LRRTM4: variants seen among roughly 807,000 people sequenced by gnomAD.
LRRTM4 encodes leucine rich repeat transmembrane neuronal 4, also known as leucine-rich repeat transmembrane neuronal protein 4.
Under a neutral mutation model 47.6 loss-of-function variants are expected in LRRTM4, and 25 were observed. The ratio of observed to expected loss-of-function variants is 0.53; its 90% CI spans 0.38 to 0.73. The LOEUF (loss-of-function observed/expected upper bound fraction) is 0.73. Ranked by LOEUF, LRRTM4 falls within the 30% of genes least tolerant of loss-of-function variation. The pLI is 0.00. For synonymous variants in LRRTM4, 311 were observed against 269.5 expected (o/e 1.15, Z -1.51); for missense variants, 638 against 713.4 (o/e 0.89, Z 1.20).
chr2:76,982,144 T>C (rs969610731), intron 3 of LRRTM4, among the ~76,000 whole-genome samples: 3 of 152,106 alleles, frequency 2.0e-5, no homozygotes, highest in African/African-American at 7.2e-5. Context: ...ATTTGTCATA[T>C]TTCCTCTGCT....
At chr2:77,056,912 G>A (rs1679627550) in intron 3 of LRRTM4, among the ~76,000 whole-genome samples, 1 of 151,956 alleles carries the variant, frequency 6.6e-6, no homozygotes, top group African/African-American at 2.4e-5. Context: ...TTTTCATACA[G>A]ACAAACTATA....
intron 3 of LRRTM4, among the ~76,000 whole-genome samples, chr2:76,766,641 G>A (rs80283344): frequency 0.03 from 4,507 of 152,252 alleles, 101 homozygotes; most frequent in Middle Eastern, 0.092. Context: ...CAATAGGAGA[G>A]GTAGTATTTA....
At chr2:76,794,288 G>C (rs1012032139) in intron 3 of LRRTM4, among the ~76,000 whole-genome samples, 1 of 152,174 alleles carries the variant, frequency 6.6e-6, no homozygotes, top group Non-Finnish European at 1.5e-5. Context: ...CCTTAGATCG[G>C]AGATAACAAA....
chr2:77,056,277 C>A (rs1434833082), intron 3 of LRRTM4, among the ~76,000 whole-genome samples: 2 of 151,892 alleles, frequency 1.3e-5, no homozygotes, highest in East Asian at 3.9e-4. Context: ...GAAGAAGATG[C>A]CCTTCTATGA....
intron 3 of LRRTM4, among the ~76,000 whole-genome samples, chr2:76,903,695 G>A (rs1420214600): frequency 6.6e-6 from 1 of 152,112 alleles, no homozygotes; most frequent in Non-Finnish European, 1.5e-5. Flanking sequence ...TTGTAACTAG[G>A]ATAAATCAAA....
intron 3 of LRRTM4, among the ~76,000 whole-genome samples, chr2:77,218,373 A>ATT (rs529903439): frequency 6.6e-6 from 1 of 151,900 alleles, no homozygotes; most frequent in Non-Finnish European, 1.5e-5. Context: ...CTTATTTCAG[A>ATT]CTTTTTTTAT....
chr2:76,933,972 G>T (rs926603822), intron 3 of LRRTM4, among the ~76,000 whole-genome samples: 1 of 152,074 alleles, frequency 6.6e-6, no homozygotes, highest in South Asian at 2.1e-4. Flanking sequence ...GTCCTATTCA[G>T]ATACACCCAT....
chr2:77,418,337 T>G (rs987576502), intron 3 of LRRTM4, among the ~76,000 whole-genome samples: 3 of 152,168 alleles, frequency 2.0e-5, no homozygotes, highest in African/African-American at 7.2e-5. Flanking sequence ...TTTCAATTTT[T>G]GAAGAGTTTA....
intron 3 of LRRTM4, among the ~76,000 whole-genome samples, chr2:76,903,907 T>C (rs891891299): frequency 4.6e-5 from 7 of 152,210 alleles, no homozygotes; most frequent in Admixed American, 4.6e-4. Flanking sequence ...GAATATTCAC[T>C]AACAACTTAA....
intron 3 of LRRTM4, among the ~76,000 whole-genome samples, chr2:77,086,297 G>T (rs187208120): frequency 2.0e-5 from 3 of 152,178 alleles, no homozygotes; most frequent in East Asian, 1.9e-4. Flanking sequence ...CATCACTGAC[G>T]TAATAAAGCC....
rs993699740 is a variant in LRRTM4 at position 76,873,380 on chromosome 2, A to T, written c.1552-124464T>A. Reference sequence around the variant, plus strand: ...TAGTCAGTCATCTGTATATACACACATTATATAAATATATAGTCTGTATAT... The same window carrying T: ...TAGTCAGTCATCTGTATATACACACTTTATATAAATATATAGTCTGTATAT... On this transcript the variant is annotated intron_variant, in intron 3 of 3. Transcript: ENST00000409884. Among the ~76,000 whole-genome samples, 4 of 151,422 alleles carry T rather than the reference A, an allele frequency of 2.6e-5. No homozygotes were observed. In the South Asian group the frequency reaches 6.2e-4, roughly 24 times the overall value.
chr2:77,347,283 AT>A (rs1459234961), intron 3 of LRRTM4, among the ~76,000 whole-genome samples: 1 of 152,124 alleles, frequency 6.6e-6, no homozygotes, highest in African/African-American at 2.4e-5. Flanking sequence ...ATCCCTTGTC[AT>A]TGTGTCTCTC....
At chr2:76,927,003 C>T (rs1300024944) in intron 3 of LRRTM4, among the ~76,000 whole-genome samples, 1 of 152,126 alleles carries the variant, frequency 6.6e-6, no homozygotes, top group East Asian at 1.9e-4. Context: ...TAATATTTTA[C>T]ATCTGCTTAA....
chr2:76,925,745 T>A (rs1674569558), intron 3 of LRRTM4, among the ~76,000 whole-genome samples: 1 of 152,076 alleles, frequency 6.6e-6, no homozygotes, highest in Non-Finnish European at 1.5e-5. Flanking sequence ...TCCCAGTTAC[T>A]CCATAGGGCT....
At chr2:77,172,192 A>T (rs774438810) in intron 3 of LRRTM4, among the ~76,000 whole-genome samples, 20 of 152,360 alleles carry the variant, frequency 1.3e-4, no homozygotes, top group South Asian at 8.3e-4. Context: ...CAAGAATTCC[A>T]GAAGAGGTTG....
chr2:76,984,243 G>A (rs1299809833), intron 3 of LRRTM4, among the ~76,000 whole-genome samples: 2 of 151,888 alleles, frequency 1.3e-5, no homozygotes, highest in Non-Finnish European at 2.9e-5. Flanking sequence ...TGATTTAATA[G>A]CAATTGCTTT....
At chr2:77,471,043 T>A (rs1677170720) in intron 3 of LRRTM4, among the ~76,000 whole-genome samples, 1 of 152,134 alleles carries the variant, frequency 6.6e-6, no homozygotes, top group Non-Finnish European at 1.5e-5. Context: ...TGTCTATGTA[T>A]CTATCTATCT....
chr2:77,006,878 G>A lies in LRRTM4; in HGVS notation c.1552-257962C>T, dbSNP rs551267476. ...GCAGACCTTAATCCTGTGGAGACTC[G>A]TTAAGTCCAGAGGACAGCAGTTGTA... On this transcript the variant is annotated intron_variant, in intron 3 of 3. Coordinates refer to ENST00000409884, the MANE Select transcript of LRRTM4 (RefSeq NM_001134745.3). Among the ~76,000 whole-genome samples the A allele has an allele frequency of 4.6e-5, 7 of 152,210 alleles. No individual in the cohort carries two copies. In the South Asian group the frequency reaches 1.0e-3, roughly 23 times the overall value.
chr2:77,476,473 A>G (rs1353258020), intron 3 of LRRTM4, among the ~76,000 whole-genome samples: 1 of 152,122 alleles, frequency 6.6e-6, no homozygotes, highest in Admixed American at 6.6e-5. Context: ...TAGAAATATA[A>G]GAAGAGGTAA....
Sources: allele counts gnomAD v4.1 joint callset (sites outside exome capture counted in the v4.1 genomes callset), GRCh38; gene constraint gnomAD v4.1.1; transcripts MANE v1.5; gene names NCBI Gene and HGNC (gene_info 2026-07-23, HGNC 2026-07-21).